Variants in KIAA1217 observed in about 807,000 individuals in gnomAD.
The protein encoded by KIAA1217 is KIAA1217, also known as sickle tail protein homolog.
KIAA1217 carries 88 observed loss-of-function variants against 163.9 expected under a neutral mutation model. The ratio of observed to expected loss-of-function variants is 0.54; its 90% confidence interval spans 0.45 to 0.64. The LOEUF is 0.64. Among genes scored for constraint, KIAA1217 ranks in the 30% least tolerant of loss-of-function variants. KIAA1217 has a pLI of 0.00. For synonymous variants in KIAA1217, 903 were observed against 923.1 expected (o/e 0.98, Z 0.39); for missense variants, 2,372 against 2,475.0 (o/e 0.96, Z 0.88).
intron 5 of KIAA1217, among the ~76,000 whole-genome samples, chr10:24,452,348 C>T (rs945600404): frequency 2.0e-5 from 3 of 151,862 alleles, no homozygotes; most frequent in Non-Finnish European, 4.4e-5. Context: ...TTTTAAAAGA[C>T]GGTTAATGGT....
chr10:24,330,607 G>T (rs571883807), intron 2 of KIAA1217, among the ~76,000 whole-genome samples: 1 of 152,080 alleles, frequency 6.6e-6, no homozygotes, highest in Non-Finnish European at 1.5e-5. Context: ...AATTCATAGA[G>T]AAACAGTAGG....
chr10:24,067,928 A>T (rs966521382), intron 2 of KIAA1217, among the ~76,000 whole-genome samples: 1 of 152,044 alleles, frequency 6.6e-6, no homozygotes, highest in Admixed American at 6.6e-5. Flanking sequence ...CCATGGGTGT[A>T]GGACCCTCAG....
rs528221965 is a variant in KIAA1217, at chr10:24,433,392, T to C, written c.752+199T>C. Among the ~76,000 whole-genome samples the C allele has an allele frequency of 1.9e-3, 295 of 152,296 alleles. 1 individual carries two copies. Among genetic ancestry groups the C allele is most frequent in the Non-Finnish European group, 2.6e-3 (180 of 68,022 alleles). On this transcript the variant is annotated intron_variant, in intron 4 of 20. Transcript: ENST00000376454. Reference sequence around the variant, plus strand: ...AGTTTATACCAAATTCTAATTTCTTTATATCCTAGTGAAGAAAGCAGATTC... The same window carrying C: ...AGTTTATACCAAATTCTAATTTCTTCATATCCTAGTGAAGAAAGCAGATTC...
Position 23,695,281 on chromosome 10 carries a change from C to G in KIAA1217, c.-321+47C>G, listed in dbSNP as rs1442674730. On this transcript the variant is annotated intron_variant, in intron 1 of 18. Coordinates refer to the KIAA1217 transcript ENST00000376462. This position sits in a 1 kb window ranked among gnomAD's most constrained non-coding sequence, Gnocchi z 4.9. ...GTCGGTTGCCCCGCCGCTCCCCCAG[C>G]GCGAGTGGGAGGCACATCTCCCCTC... The G allele has an allele frequency of 6.6e-6, 1 of 152,310 alleles. No individual in the cohort carries two copies. The highest frequency in any genetic ancestry group is 1.5e-5 in the Non-Finnish European group (1 of 68,134). 9.4% of individuals were successfully genotyped at this position (152,310 alleles called of 1,614,324 possible).
chr10:24,076,502 C>G (rs906542850), intron 2 of KIAA1217, among the ~76,000 whole-genome samples: 1 of 152,318 alleles, frequency 6.6e-6, no homozygotes, highest in Non-Finnish European at 1.5e-5. Context: ...GGAAGATGCC[C>G]TGCTCCTGCC....
intron 7 of KIAA1217, 125 bp from the exon 8 acceptor site, chr10:24,495,022 A>C: frequency 1.3e-6 from 1 of 771,566 alleles, no homozygotes; most frequent in Non-Finnish European, 2.1e-6. Context: ...GCTGATGCTA[A>C]AATACCTTCA....
intron 2 of KIAA1217, chr10:24,255,148 C>T (rs1363470841): frequency 6.0e-6 from 1 of 166,994 alleles, no homozygotes; most frequent in African/African-American, 2.4e-5. Flanking sequence ...AGCCATGACA[C>T]CCGGCCTGTA....
chr10:24,146,927 G>A (rs183403228), intron 2 of KIAA1217, among the ~76,000 whole-genome samples: 1 of 147,596 alleles, frequency 6.8e-6, no homozygotes, highest in Admixed American at 6.9e-5. Context: ...AGCGTTGCTC[G>A]TATCTTCAAC....
chr10:24,259,519 G>A (rs2075514352), intron 2 of KIAA1217, among the ~76,000 whole-genome samples: 1 of 152,202 alleles, frequency 6.6e-6, no homozygotes, highest in African/African-American at 2.4e-5. Flanking sequence ...AGAGGCTAAG[G>A]TGGGAGGATT....
At chr10:24,036,989 T>A (rs1848421283) in intron 2 of KIAA1217, among the ~76,000 whole-genome samples, 1 of 152,092 alleles carries the variant, frequency 6.6e-6, no homozygotes, top group African/African-American at 2.4e-5. Context: ...GTGCTGACAG[T>A]GAAATCGTGA....
At chr10:23,986,384 A>G (rs2131424805) in intron 1 of KIAA1217, among the ~76,000 whole-genome samples, 1 of 152,350 alleles carries the variant, frequency 6.6e-6, no homozygotes, top group East Asian at 1.9e-4. Context: ...TCCAGTGAAT[A>G]CCAAAATCCA....
At chr10:24,512,952 T>C (rs1468298077) in intron 9 of KIAA1217, among the ~76,000 whole-genome samples, 1 of 152,220 alleles carries the variant, frequency 6.6e-6, no homozygotes, top group Non-Finnish European at 1.5e-5. Context: ...GCAGGTGCCC[T>C]GTGCTGCTCC....
chr10:24,309,135 A>G (rs1446049086), intron 2 of KIAA1217, among the ~76,000 whole-genome samples: 1 of 141,178 alleles, frequency 7.1e-6, no homozygotes, highest in Admixed American at 6.9e-5. Flanking sequence ...AAAAAAAAAA[A>G]AAAAGGAAGG....
intron 2 of KIAA1217, among the ~76,000 whole-genome samples, chr10:24,193,586 T>G (rs2066829070): frequency 6.6e-6 from 1 of 152,192 alleles, no homozygotes; most frequent in Non-Finnish European, 1.5e-5. Context: ...CTCTCTAAAT[T>G]GTTGCTATCT....
chr10:23,930,803 T>C (rs991936561), intron 1 of KIAA1217, among the ~76,000 whole-genome samples: 5 of 152,180 alleles, frequency 3.3e-5, no homozygotes, highest in Non-Finnish European at 7.3e-5. Context: ...CTCCTGAGGG[T>C]GAGGCCTGGA....
chr10:23,881,125 T>C (rs1158175450), intron 1 of KIAA1217, among the ~76,000 whole-genome samples: 2 of 151,820 alleles, frequency 1.3e-5, no homozygotes, highest in African/African-American at 4.8e-5. Flanking sequence ...GAAGCCATGG[T>C]TCTAGTAGTT....
At chr10:24,032,044 T>C (rs972881289) in intron 2 of KIAA1217, among the ~76,000 whole-genome samples, 8 of 151,532 alleles carry the variant, frequency 5.3e-5, no homozygotes, top group Non-Finnish European at 7.4e-5. Context: ...CATCCCACAT[T>C]TTCACAAGTA....
chr10:24,219,415 A>G (rs1356864319), intron 1 of KIAA1217, among the ~76,000 whole-genome samples: 1 of 152,198 alleles, frequency 6.6e-6, no homozygotes, highest in Non-Finnish European at 1.5e-5. Flanking sequence ...CCCAATGAAC[A>G]TCTTTATTTC....
rs532344730 is a variant in KIAA1217, at chr10:24,324,612, A to T, written c.355-56257A>T. On this transcript the variant is annotated intron_variant, in intron 2 of 20. Coordinates refer to ENST00000376454, the MANE Select transcript of KIAA1217 (RefSeq NM_019590.5). ...CATACAAAACAAAACCCACAGCAAC[A>T]AAGAAACTATGGATAAATTGACCCA... 2.0e-5 allele frequency among the ~76,000 whole-genome samples: 3 copies of T among 152,242 alleles called. No individual in the cohort carries two copies. In the South Asian group the frequency reaches 6.2e-4, roughly 32 times the overall value.
Sources: allele counts gnomAD v4.1 joint callset (sites outside exome capture counted in the v4.1 genomes callset), GRCh38; gene constraint gnomAD v4.1.1; non-coding constraint Gnocchi (gnomAD v3.1); transcripts MANE v1.5; gene names NCBI Gene and HGNC (gene_info 2026-07-23, HGNC 2026-07-21).